NUMA1: variants seen among roughly 807,000 people sequenced by gnomAD.
NUMA1 encodes the protein SP-H antigen.
In NUMA1, 62 loss-of-function variants were observed where a neutral mutation model predicts 237.1. The observed-to-expected ratio is 0.26, with a 90% CI of 0.21 to 0.32. NUMA1 has a LOEUF of 0.32. Among genes scored for constraint, NUMA1 ranks in the 10% least tolerant of loss-of-function variants. The pLI, the probability that NUMA1 is intolerant of heterozygous loss-of-function variation, is 1.00. For synonymous variants in NUMA1, 1,028 were observed against 1,066.1 expected (o/e 0.96, Z 0.70); for missense variants, 2,533 against 2,666.5 (o/e 0.95, Z 1.10).
In NUMA1 at chr11:72,003,270, T is replaced by C; in HGVS notation, c.*257A>G. 1 of 528,506 alleles carries C rather than the reference T, an allele frequency of 1.9e-6. No individual in the cohort carries two copies. The highest frequency in any genetic ancestry group is 2.6e-5 in the South Asian group (1 of 38,322). 32.7% of individuals were successfully genotyped at this position (528,506 alleles called of 1,614,324 possible). A position where few individuals can be genotyped will look rare whatever the true frequency, so the allele number is the denominator to read the frequency against. On this transcript the variant is annotated 3_prime_UTR_variant, in exon 27 of 27. Coordinates refer to ENST00000393695, the MANE Select transcript of NUMA1 (RefSeq NM_006185.4). The stretch of plus-strand genomic sequence containing the variant: ...ATCTGGTTGTGATGGAGAAGTGACT[T>C]TGCTTTAAGAAAAAAGGAGGCAAGG...
chr11:72,005,638 C>A, intron 22 of NUMA1: 1 of 518,132 alleles, frequency 1.9e-6, no homozygotes, highest in Non-Finnish European at 3.4e-6. Flanking sequence ...GCTTGGTGGC[C>A]AACACCCAGA....
chr11:72,014,226 G>C lies in NUMA1; in HGVS notation c.3277C>G (p.Gln1093Glu). 1 of 1,614,036 alleles carries C rather than the reference G, an allele frequency of 6.2e-7. No individual in the cohort carries two copies. Among genetic ancestry groups the C allele is most frequent in the Non-Finnish European group, 8.5e-7 (1 of 1,180,042 alleles). ...LRQTVKQLKE[Q>E]LAKKEKEHAS... ...TGCTCCTTTTCTTTCTTAGCCAGCT[G>C]TTCCTTCAGTTGCTTCACGGTTTGC... The change falls in exon 15 of 27, where the codon CAG (glutamine) becomes GAG (glutamate). Residue 1093 changes from glutamine (Q) to glutamate (E), a missense_variant. Physicochemically the swap from Gln to Glu is conservative, Grantham distance 29. Coordinates refer to ENST00000393695, the MANE Select transcript of NUMA1 (RefSeq NM_006185.4). This position sits in a 1 kb window ranked among gnomAD's most constrained non-coding sequence, Gnocchi z 4.6.
chr11:72,021,748 C>G (rs563813183), intron 7 of NUMA1, among the ~76,000 whole-genome samples: 1 of 152,198 alleles, frequency 6.6e-6, no homozygotes, highest in African/African-American at 2.4e-5. Context: ...GAACTACAGA[C>G]ACACACTGCC....
intron 2 of NUMA1, among the ~76,000 whole-genome samples, chr11:72,044,974 T>G (rs547471120): frequency 6.6e-6 from 1 of 152,236 alleles, no homozygotes; most frequent in East Asian, 1.9e-4. Flanking sequence ...TTGCATTTAT[T>G]TTTAATAATC....
chr11:72,016,645 C>G, intron 13 of NUMA1, 115 bp from the exon 14 acceptor site: 9 of 1,348,136 alleles, frequency 6.7e-6, no homozygotes, highest in Non-Finnish European at 9.2e-6. Flanking sequence ...CCAAGATCTC[C>G]TTTTGCCCTG....
intron 3 of NUMA1, among the ~76,000 whole-genome samples, chr11:72,033,832 G>T (rs555763425): frequency 1.3e-5 from 2 of 152,198 alleles, no homozygotes; most frequent in South Asian, 4.2e-4. Context: ...ACCAGCCTGG[G>T]AAACATGGCA....
intron 21 of NUMA1, 33 bp downstream of exon 21, chr11:72,007,156 G>A: frequency 6.3e-7 from 1 of 1,599,638 alleles, no homozygotes; most frequent in Non-Finnish European, 8.5e-7. Flanking sequence ...AGTGGGAATT[G>A]CTGCCCTGCA....
chr11:72,004,165 C>T (rs1955501338), intron 25 of NUMA1, 60 bp downstream of exon 25: 17 of 1,607,072 alleles, frequency 1.1e-5, no homozygotes, highest in South Asian at 4.4e-5. Flanking sequence ...TGCTGTGCCA[C>T]GCTCTATCAG....
intron 1 of NUMA1, among the ~76,000 whole-genome samples, chr11:72,072,658 T>G (rs901547536): frequency 3.3e-5 from 5 of 152,180 alleles, no homozygotes; most frequent in African/African-American, 1.2e-4. Flanking sequence ...ACTGATTACC[T>G]AATAGCCAAC....
chr11:72,013,665 T>A lies in NUMA1; in HGVS notation c.3838A>T (p.Ser1280Cys), dbSNP rs749965136. The A allele has an allele frequency of 1.9e-6, 3 of 1,609,396 alleles. No homozygotes were observed. In the Admixed American group the frequency reaches 5.0e-5, roughly 27 times the overall value. Reference sequence around the variant, plus strand: ...GAGCTGCGTTCTGCAGCTCTGGCACTGTTGCTGGCTGTCTCTGCCTGCAGC... The same window carrying A: ...GAGCTGCGTTCTGCAGCTCTGGCACAGTTGCTGGCTGTCTCTGCCTGCAGC... ...RLLQAETASN[S>C]ARAAERSSAL... The change falls in exon 15 of 27, where the codon AGT becomes TGT. Residue 1280 changes from serine (S) to cysteine (C), a missense_variant. Physicochemically the swap from Ser to Cys is moderately radical, Grantham distance 112 (BLOSUM62 -1). This residue lies in a region of NUMA1 where 324 missense variants were observed against 407.6 expected (regional missense o/e 0.79). Transcript: ENST00000393695. This position sits in a 1 kb window ranked among gnomAD's most constrained non-coding sequence, Gnocchi z 6.8.
In NUMA1 at chr11:72,012,746, A is replaced by T; in HGVS notation, c.4608+149T>A. The T allele has an allele frequency of 4.3e-6, 5 of 1,176,180 alleles. 1 individual carries two copies. The South Asian group carries it at 7.9e-5, about 19-fold the overall frequency. The allele number at this position is 1,176,180 out of a possible 1,614,324, so 72.9% of individuals were successfully genotyped here. A position where few individuals can be genotyped will look rare whatever the true frequency, so the allele number is the denominator to read the frequency against. ...GACAGGGGCAACAGACTTGAACTCCACCAGCCACCTCTCCTTTTCTGCCAC... is the reference window on the plus strand; with the variant it reads ...GACAGGGGCAACAGACTTGAACTCCTCCAGCCACCTCTCCTTTTCTGCCAC... On this transcript the variant is annotated intron_variant, in intron 15 of 26. Coordinates refer to ENST00000393695, the MANE Select transcript of NUMA1 (RefSeq NM_006185.4).
chr11:72,058,608 T>C (rs1259128432), intron 2 of NUMA1, among the ~76,000 whole-genome samples: 1 of 152,226 alleles, frequency 6.6e-6, no homozygotes, highest in African/African-American at 2.4e-5. Flanking sequence ...CATACTTTCC[T>C]TGTTGTCCCA....
chr11:72,009,569 A>ACG (rs1246943493), intron 17 of NUMA1, among the ~76,000 whole-genome samples, 182 bp from the exon 18 acceptor site: 4 of 152,122 alleles, frequency 2.6e-5, no homozygotes, highest in Non-Finnish European at 4.4e-5. Flanking sequence ...TGAAGCCCAC[A>ACG]TGCCCTTCAG....
chr11:72,066,411 T>A (rs1172140365), intron 2 of NUMA1: 1 of 152,204 alleles, frequency 6.6e-6, no homozygotes, highest in Admixed American at 6.6e-5. Context: ...AAATCCAAAT[T>A]TCTTAGCATA....
intron 12 of NUMA1, 31 bp downstream of exon 12, chr11:72,018,152 G>T: frequency 6.7e-7 from 1 of 1,487,454 alleles, no homozygotes; most frequent in Non-Finnish European, 9.4e-7. Context: ...GCCCTGAGGG[G>T]CCTCCATGCA....
intron 6 of NUMA1, among the ~76,000 whole-genome samples, chr11:72,022,677 T>C (rs75604223): frequency 1.7e-4 from 26 of 151,644 alleles, no homozygotes; most frequent in African/African-American, 6.3e-4. Context: ...CATGGAACCC[T>C]GGGTGTGAAG....
chr11:72,057,351 AAG>A (rs1277941212), intron 2 of NUMA1, among the ~76,000 whole-genome samples: 7 of 152,368 alleles, frequency 4.6e-5, no homozygotes, highest in African/African-American at 1.7e-4. Flanking sequence ...TTAAATCCAA[AAG>A]AAGATTTACA....
At chr11:72,060,870 G>A (rs1244071600) in intron 2 of NUMA1, among the ~76,000 whole-genome samples, 2 of 152,034 alleles carry the variant, frequency 1.3e-5, no homozygotes, top group Non-Finnish European at 2.9e-5. Context: ...GGAGAATCGA[G>A]ACTGTCCTGG....
At chr11:72,033,567 C>T (rs7937582) in intron 3 of NUMA1, among the ~76,000 whole-genome samples, 135,233 of 151,960 alleles carry the variant, frequency 0.89, 60,422 homozygotes, top group Non-Finnish European at 0.95. Flanking sequence ...GAGACAGGGT[C>T]TCACCACGTT....
Sources: gnomAD v4.1 joint callset for allele counts (sites outside exome capture counted in the v4.1 genomes callset) on GRCh38, gnomAD v4.1.1 for gene constraint, gnomAD v4.1.1 regional missense constraint, Gnocchi (gnomAD v3.1) non-coding constraint, MANE v1.5 for transcripts, NCBI Gene and HGNC (gene_info 2026-07-23, HGNC 2026-07-21) for gene names.